The following RBFOX1 variants were observed in gnomAD, a reference collection of about 807,000 sequenced individuals.
RBFOX1 encodes the protein RNA binding fox-1 homolog 1.
In RBFOX1, 8 loss-of-function variants were observed where a neutral mutation model predicts 57.7. The observed-to-expected ratio is 0.14, with a 90% CI of 0.08 to 0.25. The LOEUF (loss-of-function observed/expected upper bound fraction) is 0.25, where lower values mean the gene tolerates loss of function less well. RBFOX1 is among the 10% of genes least tolerant of loss of function. The pLI is 1.00. For synonymous variants in RBFOX1, 326 were observed against 222.4 expected (o/e 1.47, Z -4.15); for missense variants, 611 against 548.5 (o/e 1.11, Z -1.14).
chr16:5,529,694 T>G (rs9938353), intron 2 of RBFOX1, among the ~76,000 whole-genome samples: 61,395 of 151,698 alleles, frequency 0.4, 14,717 homozygotes, highest in East Asian at 0.85. Flanking sequence ...ACCATCCCGA[T>G]TAGCTGGGAT....
intron 4 of RBFOX1, among the ~76,000 whole-genome samples, chr16:7,260,168 A>G (rs981946015): frequency 6.6e-6 from 1 of 152,200 alleles, no homozygotes; most frequent in Non-Finnish European, 1.5e-5. Flanking sequence ...CAGAAATCAA[A>G]CCAAGACTTT....
chr16:5,990,093 C>T (rs112650866), intron 4 of RBFOX1, among the ~76,000 whole-genome samples: 4 of 152,162 alleles, frequency 2.6e-5, no homozygotes, highest in South Asian at 4.1e-4. Context: ...TCAAGCAATC[C>T]TTGCTCCTCA....
At chr16:5,704,687 A>G (rs1448788739) in intron 3 of RBFOX1, among the ~76,000 whole-genome samples, 2 of 152,140 alleles carry the variant, frequency 1.3e-5, no homozygotes, top group Non-Finnish European at 2.9e-5. Context: ...TGAGGTGGCT[A>G]GGGTTTCATT....
chr16:6,829,432 C>T (rs1366423691), intron 3 of RBFOX1, among the ~76,000 whole-genome samples: 7 of 146,792 alleles, frequency 4.8e-5, no homozygotes, highest in African/African-American at 1.5e-4. Context: ...TTGTAGATTT[C>T]TTGGGTAAGT....
At chr16:6,416,072 C>T (rs1567224972) in intron 2 of RBFOX1, among the ~76,000 whole-genome samples, 1 of 152,126 alleles carries the variant, frequency 6.6e-6, no homozygotes, top group Non-Finnish European at 1.5e-5. Flanking sequence ...CATTAGCAAG[C>T]GGTAATTCAC....
intron 4 of RBFOX1, among the ~76,000 whole-genome samples, chr16:7,404,732 G>C (rs1049725093): frequency 6.6e-6 from 1 of 152,178 alleles, no homozygotes; most frequent in East Asian, 1.9e-4. Context: ...AAACAAAACC[G>C]AATGCACTTT....
chr16:5,964,558 T>A (rs1339463871), intron 4 of RBFOX1, among the ~76,000 whole-genome samples: 1 of 152,148 alleles, frequency 6.6e-6, no homozygotes, highest in Non-Finnish European at 1.5e-5. Flanking sequence ...TATATGTATA[T>A]GTGTATATAT....
At chr16:5,311,670 A>G (rs189123960) in intron 1 of RBFOX1, among the ~76,000 whole-genome samples, 2 of 152,004 alleles carry the variant, frequency 1.3e-5, no homozygotes, top group African/African-American at 2.4e-5. Flanking sequence ...ATTTTTTCCT[A>G]TGTTTGTTGG....
intron 3 of RBFOX1, chr16:5,838,614 G>GAA (rs2056534405): frequency 6.3e-6 from 1 of 158,568 alleles, no homozygotes; most frequent in African/African-American, 2.4e-5. Flanking sequence ...TGATACTTTG[G>GAA]GACATCCATG....
intron 3 of RBFOX1, among the ~76,000 whole-genome samples, chr16:6,969,188 C>G (rs2084961459): frequency 6.6e-6 from 1 of 152,110 alleles, no homozygotes; most frequent in Non-Finnish European, 1.5e-5. Context: ...TCTCTTAACT[C>G]CTCACTACAT....
At chr16:7,378,366 G>A (rs932373387) in intron 4 of RBFOX1, among the ~76,000 whole-genome samples, 5 of 152,108 alleles carry the variant, frequency 3.3e-5, no homozygotes, top group Admixed American at 2.6e-4. Flanking sequence ...GTTTGCTAGC[G>A]AGACCTCACG....
intron 4 of RBFOX1, among the ~76,000 whole-genome samples, chr16:7,368,122 G>A (rs946813128): frequency 4.0e-5 from 6 of 151,898 alleles, no homozygotes; most frequent in African/African-American, 1.5e-4. Context: ...CTAAAATTAG[G>A]TGGACATGGT....
intron 12 of RBFOX1, among the ~76,000 whole-genome samples, chr16:7,659,893 A>C (rs894541644): frequency 5.9e-5 from 9 of 152,200 alleles, no homozygotes; most frequent in African/African-American, 1.9e-4. Context: ...TAATCTGATT[A>C]AAAATTCTCT....
chr16:6,890,084 G>T (rs2065054386), intron 3 of RBFOX1, among the ~76,000 whole-genome samples: 2 of 152,176 alleles, frequency 1.3e-5, no homozygotes, highest in Admixed American at 1.3e-4. Context: ...AGTAAAATGT[G>T]TTTAGCACAA....
At chr16:6,940,746 C>T (rs906808799) in intron 3 of RBFOX1, among the ~76,000 whole-genome samples, 11 of 149,820 alleles carry the variant, frequency 7.3e-5, no homozygotes, top group African/African-American at 1.5e-4. Context: ...TACAGGCGCC[C>T]GCCACCATGT....
At chr16:7,068,446 C>T (rs1180240426) in intron 4 of RBFOX1, among the ~76,000 whole-genome samples, 1 of 152,152 alleles carries the variant, frequency 6.6e-6, no homozygotes, top group Non-Finnish European at 1.5e-5. Context: ...CCAGGACTCA[C>T]CTCTACCTGC....
intron 4 of RBFOX1, among the ~76,000 whole-genome samples, chr16:7,074,542 ATAT>A (rs999756498): frequency 1.3e-5 from 2 of 152,154 alleles, no homozygotes; most frequent in African/African-American, 4.8e-5. Flanking sequence ...AAGAAGAAAA[ATAT>A]TGAAAAAAAT....
intron 3 of RBFOX1, among the ~76,000 whole-genome samples, chr16:6,793,752 C>T (rs1350933982): frequency 1.3e-5 from 2 of 152,112 alleles, no homozygotes; most frequent in African/African-American, 4.8e-5. Flanking sequence ...CAGCAAGAAA[C>T]ATTAGTTTCC....
chr16:6,065,992 T>A (rs2095756153), intron 1 of RBFOX1, among the ~76,000 whole-genome samples: 1 of 152,162 alleles, frequency 6.6e-6, no homozygotes, highest in Admixed American at 6.5e-5. Flanking sequence ...TATTTCCGAC[T>A]TCAACACTTT....
Sources: gnomAD v4.1 joint callset for allele counts (sites outside exome capture counted in the v4.1 genomes callset) on GRCh38, gnomAD v4.1.1 for gene constraint, MANE v1.5 for transcripts, NCBI Gene and HGNC (gene_info 2026-07-23, HGNC 2026-07-21) for gene names.